The following NAALADL2 variants were observed in gnomAD, a reference collection of about 807,000 sequenced individuals.
The protein encoded by NAALADL2 is inactive N-acetylated-alpha-linked acidic dipeptidase-like protein 2.
Under a neutral mutation model 87.2 loss-of-function variants are expected in NAALADL2, and 76 were observed. The observed-to-expected ratio is 0.87, with a 90% confidence interval of 0.72 to 1.05. The LOEUF (loss-of-function observed/expected upper bound fraction) is 1.05, where lower values mean the gene tolerates loss of function less well. Among genes scored for constraint, NAALADL2 ranks in the 50% least tolerant of loss-of-function variants. NAALADL2 has a pLI of 0.00. For synonymous variants in NAALADL2, 354 were observed against 331.0 expected, an observed-to-expected ratio of 1.07 and a Z score of -0.75; for missense variants, 1,089 against 945.8, an observed-to-expected ratio of 1.15 and a Z score of -1.99.
chr3:174,462,204 A>G lies in NAALADL2; in HGVS notation c.-184+21172A>G, dbSNP rs542708566. Among the ~76,000 whole-genome samples the G allele has an allele frequency of 2.2e-3, 328 of 151,974 alleles. 1 individual carries two copies. Among genetic ancestry groups the G allele is most frequent in the African/African-American group, 7.8e-3 (322 of 41,500 alleles). Reference sequence around the variant, plus strand: ...TTTTTTCTTAAATATTTCTTTTTCAATGTTATCCCGTATTTCCACAAAGGT... The same window carrying G: ...TTTTTTCTTAAATATTTCTTTTTCAGTGTTATCCCGTATTTCCACAAAGGT... On this transcript the variant is annotated intron_variant, in intron 1 of 3. Coordinates refer to the NAALADL2 transcript ENST00000434257.
At chr3:175,201,422 C>T (rs1271587282) in intron 2 of NAALADL2, among the ~76,000 whole-genome samples, 1 of 152,066 alleles carries the variant, frequency 6.6e-6, no homozygotes, top group Non-Finnish European at 1.5e-5. Flanking sequence ...TAATTTTTCC[C>T]CTATGGAAAA....
intron 1 of NAALADL2, among the ~76,000 whole-genome samples, chr3:174,476,453 T>G (rs10936797): frequency 0.27 from 40,826 of 151,758 alleles, 5,949 homozygotes; most frequent in South Asian, 0.45. Flanking sequence ...TTCCTCTCTT[T>G]TCTTTAGTTT....
At chr3:175,441,135 T>C (rs954354325) in intron 5 of NAALADL2, among the ~76,000 whole-genome samples, 6 of 152,052 alleles carry the variant, frequency 3.9e-5, no homozygotes, top group African/African-American at 1.4e-4. Flanking sequence ...TGGCTCTCCA[T>C]ATCCAGGTGT....
intron 10 of NAALADL2, among the ~76,000 whole-genome samples, chr3:175,611,437 A>T (rs1225357993): frequency 1.3e-5 from 2 of 152,026 alleles, no homozygotes; most frequent in Admixed American, 1.3e-4. Context: ...ATTGATTCAT[A>T]AATCAATTAA....
intron 11 of NAALADL2, among the ~76,000 whole-genome samples, chr3:175,639,318 CTTTTTT>C (rs756214274): frequency 2.8e-5 from 3 of 108,764 alleles, no homozygotes; most frequent in African/African-American, 1.2e-4. Context: ...AAGCGTTATT[CTTTTTT>C]TTTTTTTTTT....
At chr3:175,453,015 G>C (rs1036590967) in intron 6 of NAALADL2, among the ~76,000 whole-genome samples, 1 of 152,016 alleles carries the variant, frequency 6.6e-6, no homozygotes, top group African/African-American at 2.4e-5. Context: ...ATTCAGCTGG[G>C]GTACAGTCTA....
At chr3:175,466,408 A>G (rs368148274) in intron 7 of NAALADL2, among the ~76,000 whole-genome samples, 1 of 152,176 alleles carries the variant, frequency 6.6e-6, no homozygotes, top group South Asian at 2.1e-4. Context: ...GCATTAAATA[A>G]AATATGTAAA....
chr3:175,338,128 T>C (rs1005401194), intron 5 of NAALADL2, among the ~76,000 whole-genome samples: 6 of 152,096 alleles, frequency 3.9e-5, no homozygotes, highest in Non-Finnish European at 8.8e-5. Context: ...TGTCATGCTT[T>C]AGGAAGTCGT....
At chr3:174,514,760 T>C (rs915660364) in intron 1 of NAALADL2, among the ~76,000 whole-genome samples, 3 of 152,164 alleles carry the variant, frequency 2.0e-5, no homozygotes, top group Admixed American at 2.0e-4. Context: ...TATCAACCTC[T>C]GGAGAGTATA....
At chr3:174,461,669 G>T (rs1716222761) in intron 1 of NAALADL2, among the ~76,000 whole-genome samples, 1 of 152,006 alleles carries the variant, frequency 6.6e-6, no homozygotes, top group African/African-American at 2.4e-5. Context: ...ATTTAATGTT[G>T]TAGTTATTTC....
intron 2 of NAALADL2, among the ~76,000 whole-genome samples, chr3:174,698,769 C>T (rs1237359549): frequency 7.5e-6 from 1 of 132,560 alleles, no homozygotes; most frequent in Non-Finnish European, 1.5e-5. Context: ...GAGGCTGAGG[C>T]AGGAGAATGG....
At chr3:174,664,734 A>G (rs901357214) in intron 2 of NAALADL2, among the ~76,000 whole-genome samples, 1 of 152,166 alleles carries the variant, frequency 6.6e-6, no homozygotes, top group African/African-American at 2.4e-5. Flanking sequence ...CTTATTCTGG[A>G]AGTGCTGTGC....
chr3:175,543,681 A>AC (rs571937633), intron 9 of NAALADL2, among the ~76,000 whole-genome samples: 60 of 151,906 alleles, frequency 3.9e-4, no homozygotes, highest in Middle Eastern at 3.4e-3. Flanking sequence ...GGAGGTAACC[A>AC]CCCCCGTAAT....
intron 1 of NAALADL2, among the ~76,000 whole-genome samples, chr3:174,475,920 T>A (rs1214920742): frequency 6.6e-6 from 1 of 151,986 alleles, no homozygotes. Flanking sequence ...GAAACTGTAG[T>A]TAAAAGATAC....
chr3:175,331,040 A>G (rs1389522893), intron 5 of NAALADL2, among the ~76,000 whole-genome samples: 1 of 152,184 alleles, frequency 6.6e-6, no homozygotes, highest in East Asian at 1.9e-4. Flanking sequence ...CAATCTGGAA[A>G]CCTGAGAGAA....
chr3:174,567,444 A>T (rs1203056626), intron 2 of NAALADL2, among the ~76,000 whole-genome samples: 1 of 151,484 alleles, frequency 6.6e-6, no homozygotes, highest in African/African-American at 2.4e-5. Context: ...TAGGCACTGA[A>T]CTTCTAATTA....
At chr3:174,451,601 T>G (rs1715483294) in intron 1 of NAALADL2, among the ~76,000 whole-genome samples, 1 of 152,184 alleles carries the variant, frequency 6.6e-6, no homozygotes, top group African/African-American at 2.4e-5. Context: ...AAATTACTGT[T>G]TGGTTAAAAA....
intron 3 of NAALADL2, among the ~76,000 whole-genome samples, chr3:174,814,426 A>C (rs1184155645): frequency 2.0e-5 from 3 of 152,126 alleles, no homozygotes; most frequent in Non-Finnish European, 4.4e-5. Context: ...AAATATTTTA[A>C]GACTGGGAAG....
chr3:175,059,311 T>A (rs1226649033), intron 1 of NAALADL2: 1 of 152,224 alleles, frequency 6.6e-6, no homozygotes, highest in Non-Finnish European at 1.5e-5. Flanking sequence ...TTTATTTATT[T>A]TTTTTTCAAG....
Sources: allele counts gnomAD v4.1 joint callset (sites outside exome capture counted in the v4.1 genomes callset), GRCh38; gene constraint gnomAD v4.1.1; transcripts MANE v1.5; gene names NCBI Gene and HGNC (gene_info 2026-07-23, HGNC 2026-07-21).